Variants in ADRA1B observed in about 807,000 individuals in gnomAD.
ADRA1B encodes alpha-1B adrenergic receptor.
In ADRA1B, 17 loss-of-function variants were observed where a neutral mutation model predicts 17.9. The observed-to-expected ratio is 0.95, with a 90% confidence interval of 0.65 to 1.42. The LOEUF (loss-of-function observed/expected upper bound fraction) is 1.42, where lower values mean the gene tolerates loss of function less well. ADRA1B is among the 40% of genes most tolerant of loss of function. ADRA1B has a pLI of 0.00. For synonymous variants in ADRA1B, 366 were observed against 327.6 expected (o/e 1.12, Z -1.27); for missense variants, 681 against 722.1 (o/e 0.94, Z 0.65).
intron 1 of ADRA1B, among the ~76,000 whole-genome samples, chr5:159,956,739 G>A (rs1247347986): frequency 2.6e-5 from 4 of 152,144 alleles, no homozygotes; most frequent in African/African-American, 9.7e-5. Context: ...ATTAGGTAAT[G>A]CCAGTTTTCC....
intron 1 of ADRA1B, among the ~76,000 whole-genome samples, chr5:159,888,865 T>G (rs1242159480): frequency 6.6e-6 from 1 of 152,252 alleles, no homozygotes; most frequent in African/African-American, 2.4e-5. Context: ...GGAAACCTAC[T>G]TGTTTACCTG....
chr5:159,931,010 T>G (rs1754789009), intron 1 of ADRA1B, among the ~76,000 whole-genome samples: 1 of 147,358 alleles, frequency 6.8e-6, no homozygotes, highest in South Asian at 2.1e-4. Flanking sequence ...TTATAATATT[T>G]ATTATATATA....
intron 1 of ADRA1B, among the ~76,000 whole-genome samples, chr5:159,966,671 C>G (rs915809402): frequency 6.6e-6 from 1 of 152,178 alleles, no homozygotes; most frequent in African/African-American, 2.4e-5. Context: ...ATGTCAGATT[C>G]AGGCACAGTT....
chr5:159,941,385 G>A lies in ADRA1B; in HGVS notation c.949+23531G>A, dbSNP rs528322256. 1.1e-3 allele frequency among the ~76,000 whole-genome samples: 167 copies of A among 152,242 alleles called. 1 individual carries two copies. Among genetic ancestry groups the A allele is most frequent in the African/African-American group, 3.9e-3 (161 of 41,550 alleles). On this transcript the variant is annotated intron_variant, in intron 1 of 1. Transcript: ENST00000306675. ...GAATAAACACATCCATTTGGCCCAC[G>A]AACATGTTCTTCCTTGTTCTTGTTC...
At chr5:159,958,868 T>C (rs947181127) in intron 1 of ADRA1B, among the ~76,000 whole-genome samples, 1 of 152,372 alleles carries the variant, frequency 6.6e-6, no homozygotes. Flanking sequence ...GGGAAATTAC[T>C]ATTTCCAATG....
At chr5:159,918,276 G>A (rs1310278620) in intron 1 of ADRA1B, among the ~76,000 whole-genome samples, 2 of 152,226 alleles carry the variant, frequency 1.3e-5, no homozygotes, top group Admixed American at 1.3e-4. Context: ...TGGGAAGCAG[G>A]GAGGCAGCTC....
intron 1 of ADRA1B, among the ~76,000 whole-genome samples, chr5:159,878,305 C>A (rs568157909): frequency 7.2e-5 from 11 of 152,270 alleles, no homozygotes; most frequent in African/African-American, 2.6e-4. Context: ...CACTGGGCAG[C>A]TGGGATCCAG....
chr5:159,951,673 G>A (rs1057186590), intron 1 of ADRA1B, among the ~76,000 whole-genome samples: 2 of 152,148 alleles, frequency 1.3e-5, no homozygotes. Flanking sequence ...GAGCTGCCCT[G>A]GCCTGGCTAC....
At chr5:159,923,847 T>C (rs953400173) in intron 1 of ADRA1B, among the ~76,000 whole-genome samples, 4 of 152,264 alleles carry the variant, frequency 2.6e-5, no homozygotes, top group Non-Finnish European at 4.4e-5. Context: ...AGGCGACTCT[T>C]ATGCAGCCAG....
chr5:159,958,172 T>C (rs931937662), intron 1 of ADRA1B, among the ~76,000 whole-genome samples: 2 of 152,162 alleles, frequency 1.3e-5, no homozygotes, highest in Admixed American at 6.5e-5. Flanking sequence ...TATCCTCTTC[T>C]AATACTTTAA....
upstream of ADRA1B, among the ~76,000 whole-genome samples, chr5:159,913,080 T>C (rs1581028097): frequency 6.6e-6 from 1 of 152,308 alleles, no homozygotes; most frequent in South Asian, 2.1e-4. Context: ...GAATCTCCCA[T>C]AGCTTCAGTT....
intron 1 of ADRA1B, chr5:159,868,091 C>T (rs550169971): frequency 6.6e-6 from 1 of 152,176 alleles, no homozygotes; most frequent in Non-Finnish European, 1.5e-5. Context: ...AACTTCCCAG[C>T]CTCAGTTTCC....
At chr5:159,916,172 CT>C (rs1415764533), upstream of ADRA1B, 6 of 152,288 alleles carry the variant, frequency 3.9e-5, no homozygotes, top group Non-Finnish European at 8.8e-5. Flanking sequence ...CGGGAGCCCC[CT>C]ATTAAAGGTA....
chr5:159,871,010 C>T (rs73311407), intron 1 of ADRA1B: 13,173 of 152,150 alleles, frequency 0.087, 656 homozygotes, highest in African/African-American at 0.13. Context: ...GATGCTCATC[C>T]TGTGGGAAGA....
At chr5:159,977,235 C>G (rs919851492), downstream of ADRA1B, among the ~76,000 whole-genome samples, 3 of 152,208 alleles carry the variant, frequency 2.0e-5, no homozygotes, top group African/African-American at 7.2e-5. Context: ...ACAAATATGG[C>G]TTCCTCAATA....
intron 1 of ADRA1B, among the ~76,000 whole-genome samples, chr5:159,923,351 G>A (rs1754543675): frequency 6.6e-6 from 1 of 152,276 alleles, no homozygotes; most frequent in Admixed American, 6.5e-5. Context: ...AGACGAGACA[G>A]GTAGGAGGCT....
chr5:159,965,486 T>C (rs1755757560), intron 1 of ADRA1B, among the ~76,000 whole-genome samples: 1 of 152,140 alleles, frequency 6.6e-6, no homozygotes, highest in Non-Finnish European at 1.5e-5. Context: ...CCCACCACAC[T>C]CTTCTCCAGT....
At chr5:159,956,885 T>C (rs1268661313) in intron 1 of ADRA1B, among the ~76,000 whole-genome samples, 1 of 152,326 alleles carries the variant, frequency 6.6e-6, no homozygotes, top group East Asian at 1.9e-4. Context: ...TTGCTTTTTT[T>C]TTCCTGAGAC....
At chr5:159,938,963 G>T (rs375945302) in intron 1 of ADRA1B, among the ~76,000 whole-genome samples, 18 of 152,328 alleles carry the variant, frequency 1.2e-4, no homozygotes, top group African/African-American at 3.8e-4. Flanking sequence ...TGTGGCCAGA[G>T]TGAAATCCCT....
Sources: gnomAD v4.1 joint callset for allele counts (sites outside exome capture counted in the v4.1 genomes callset) on GRCh38, gnomAD v4.1.1 for gene constraint, MANE v1.5 for transcripts, NCBI Gene and HGNC (gene_info 2026-07-23, HGNC 2026-07-21) for gene names.